CDH12: variants seen among roughly 807,000 people sequenced by gnomAD.
CDH12 encodes the protein cadherin 12, also known as cadherin-12.
A neutral mutation model predicts 74.1 loss-of-function variants in CDH12; 41 were observed. That is an observed-to-expected ratio of 0.55 (90% CI 0.43 to 0.72). The LOEUF (loss-of-function observed/expected upper bound fraction) is 0.72, where lower values mean the gene tolerates loss of function less well. Among genes scored for constraint, CDH12 ranks in the 30% least tolerant of loss-of-function variants. The probability of loss-of-function intolerance (pLI) is 0.00; values close to 1 mark genes in which losing one functional copy is unlikely to be tolerated. For missense variants in CDH12, 945 were observed against 977.2 expected (o/e 0.97, Z 0.44); for synonymous variants, 399 against 355.0 (o/e 1.12, Z -1.39).
At chr5:22,829,835 C>T (rs1736504280) in intron 1 of CDH12, among the ~76,000 whole-genome samples, 1 of 152,140 alleles carries the variant, frequency 6.6e-6, no homozygotes, top group Admixed American at 6.5e-5. Context: ...AACTGGTAGA[C>T]ACACCTGAGC....
chr5:21,979,468 T>C (rs1757213903), intron 5 of CDH12, among the ~76,000 whole-genome samples: 1 of 152,182 alleles, frequency 6.6e-6, no homozygotes, highest in African/African-American at 2.4e-5. Flanking sequence ...AGCTTCAGAA[T>C]GTAAGCAAAT....
chr5:21,875,828 C>A (rs1275845079), intron 6 of CDH12, among the ~76,000 whole-genome samples: 2 of 151,718 alleles, frequency 1.3e-5, no homozygotes, highest in African/African-American at 4.8e-5. Context: ...ATTACTGCTT[C>A]TAATTTACTG....
At chr5:22,607,174 A>C (rs1047176216) in intron 1 of CDH12, among the ~76,000 whole-genome samples, 1 of 152,078 alleles carries the variant, frequency 6.6e-6, no homozygotes, top group Non-Finnish European at 1.5e-5. Flanking sequence ...GAAAAGAAAA[A>C]CCTATTTTCT....
rs147399823 is a variant in CDH12 at position 22,444,696 on chromosome 5, G to A, written c.-427-39345C>T. On this transcript the variant is annotated intron_variant, in intron 2 of 14. Transcript: ENST00000382254. ...TTTACTGCAGTTGCTGAACTCAGCG[G>A]TATATATTGAGACTTTTAAACAGAA... Among the ~76,000 whole-genome samples, 593 of 152,050 alleles carry A rather than the reference G, an allele frequency of 3.9e-3. 3 individuals carry two copies. The highest frequency in any genetic ancestry group is 0.01 in the Middle Eastern group (3 of 294).
chr5:21,816,484 G>A (rs1349078227), intron 9 of CDH12, among the ~76,000 whole-genome samples: 5 of 151,068 alleles, frequency 3.3e-5, no homozygotes, highest in Non-Finnish European at 7.4e-5. Flanking sequence ...AACTAGCCGG[G>A]CGTGGTGGTG....
rs538644562 is a variant in CDH12, at chr5:22,435,157, T to A, written c.-427-29806A>T. Among the ~76,000 whole-genome samples, 51 of 152,216 alleles carry A rather than the reference T, an allele frequency of 3.4e-4. 1 individual carries two copies. Among genetic ancestry groups the A allele is most frequent in the Middle Eastern group, 3.4e-3 (1 of 294 alleles). ...ACCCTTAATCTGTGTGTGCACCATC[T>A]AATCAGCTGCCAGTGTGGCCAGAAT... On this transcript the variant is annotated intron_variant, in intron 2 of 14. Coordinates refer to ENST00000382254, the MANE Select transcript of CDH12 (RefSeq NM_004061.5).
chr5:22,289,822 G>A (rs752435327), intron 3 of CDH12, among the ~76,000 whole-genome samples: 3 of 152,092 alleles, frequency 2.0e-5, no homozygotes, highest in Non-Finnish European at 2.9e-5. Context: ...ACATTATCAT[G>A]CCCCATATTC....
chr5:22,163,905 C>A (rs1748509477), intron 4 of CDH12, among the ~76,000 whole-genome samples: 1 of 152,152 alleles, frequency 6.6e-6, no homozygotes, highest in South Asian at 2.1e-4. Flanking sequence ...TACATGGTCA[C>A]CTCACTTACA....
At chr5:21,764,781 C>T in intron 12 of CDH12, among the ~76,000 whole-genome samples, 197 bp downstream of exon 12, 1 of 152,076 alleles carries the variant, frequency 6.6e-6, no homozygotes, top group Non-Finnish European at 1.5e-5. Context: ...AGTACTTCAT[C>T]TGTGCGGTAT....
chr5:22,675,178 G>A (rs1481033967), intron 1 of CDH12, among the ~76,000 whole-genome samples: 16 of 152,108 alleles, frequency 1.1e-4, no homozygotes, highest in Admixed American at 9.2e-4. Flanking sequence ...ACATGGTTTC[G>A]TGGGCCAGGC....
At chr5:22,169,461 GCCTAGTTAGA>G (rs2150326659) in intron 4 of CDH12, among the ~76,000 whole-genome samples, 1 of 152,000 alleles carries the variant, frequency 6.6e-6, no homozygotes, top group African/African-American at 2.4e-5. Context: ...CTGTTATGCA[GCCTAGTTAGA>G]CCTCTGACTT....
At chr5:22,513,446 A>G (rs1736689551) in intron 1 of CDH12, among the ~76,000 whole-genome samples, 1 of 152,052 alleles carries the variant, frequency 6.6e-6, no homozygotes, top group Non-Finnish European at 1.5e-5. Flanking sequence ...CCCAGCTTTC[A>G]CTGAATAATG....
chr5:22,113,609 A>G (rs1315786997), intron 4 of CDH12, among the ~76,000 whole-genome samples: 1 of 152,106 alleles, frequency 6.6e-6, no homozygotes, highest in African/African-American at 2.4e-5. Context: ...CCTAAAATGT[A>G]TAAAACCAAG....
intron 1 of CDH12, among the ~76,000 whole-genome samples, chr5:22,556,892 A>G (rs1738824436): frequency 6.6e-6 from 1 of 152,082 alleles, no homozygotes; most frequent in Non-Finnish European, 1.5e-5. Flanking sequence ...ATGAAGAAAG[A>G]CAGAGCCCCT....
intron 5 of CDH12, among the ~76,000 whole-genome samples, chr5:21,987,544 C>A (rs1757569628): frequency 6.6e-6 from 1 of 152,168 alleles, no homozygotes; most frequent in Non-Finnish European, 1.5e-5. Flanking sequence ...ATTTGGCTTT[C>A]TGTCCATCAC....
intron 3 of CDH12, among the ~76,000 whole-genome samples, chr5:22,214,679 C>A (rs1389701873): frequency 6.6e-6 from 1 of 152,112 alleles, no homozygotes; most frequent in East Asian, 1.9e-4. Flanking sequence ...TAAGACAGGG[C>A]TTATTTTCCT....
At chr5:22,794,138 G>T (rs1298064037) in intron 1 of CDH12, among the ~76,000 whole-genome samples, 1 of 152,108 alleles carries the variant, frequency 6.6e-6, no homozygotes, top group African/African-American at 2.4e-5. Flanking sequence ...GTACTGAAAA[G>T]CTCATATGTC....
rs376932700 is a variant in CDH12, at chr5:22,186,718, G to A, written c.-187+25780C>T. ...ACTCCTGACCTCAAGTGATGCCCCC[G>A]CCTTGGCCTCCCAAAGTGCTGGGAT... On this transcript the variant is annotated intron_variant, in intron 4 of 14. Transcript: ENST00000382254. 9.2e-5 allele frequency among the ~76,000 whole-genome samples: 14 copies of A among 152,220 alleles called. No individual in the cohort carries two copies. In the East Asian group the frequency reaches 1.2e-3, roughly 13 times the overall value.
intron 5 of CDH12, among the ~76,000 whole-genome samples, chr5:22,030,223 C>A (rs1272995022): frequency 2.0e-5 from 3 of 151,694 alleles, no homozygotes; most frequent in Non-Finnish European, 4.4e-5. Flanking sequence ...ATGTAACTAA[C>A]CTGCACATTG....
Sources: allele counts gnomAD v4.1 joint callset (sites outside exome capture counted in the v4.1 genomes callset), GRCh38; gene constraint gnomAD v4.1.1; transcripts MANE v1.5; gene names NCBI Gene and HGNC (gene_info 2026-07-23, HGNC 2026-07-21).